SDK1: variants seen among roughly 807,000 people sequenced by gnomAD.
The protein encoded by SDK1 is protein sidekick-1.
Under a neutral mutation model 245.5 loss-of-function variants are expected in SDK1, and 157 were observed. The observed-to-expected ratio is 0.64, with a 90% CI of 0.56 to 0.73. The LOEUF (loss-of-function observed/expected upper bound fraction) is 0.73, where lower values mean the gene tolerates loss of function less well. SDK1 is among the 30% of genes least tolerant of loss of function. The probability of loss-of-function intolerance (pLI) is 0.00; values close to 1 mark genes in which losing one functional copy is unlikely to be tolerated. For synonymous variants in SDK1, 1,647 were observed against 1,278.5 expected (o/e 1.29, Z -6.15); for missense variants, 3,583 against 3,002.3 (o/e 1.19, Z -4.52).
chr7:4,097,913 A>G lies in SDK1; in HGVS notation c.3325-12750A>G, dbSNP rs144772245. On this transcript the variant is annotated intron_variant, in intron 22 of 44. Coordinates refer to ENST00000404826, the MANE Select transcript of SDK1 (RefSeq NM_152744.4). ...CATTGGCCCTAATGACTCCTTCCAT[A>G]ATCCCACGGTCATCTGGTAAATTTG... 7.9e-3 allele frequency among the ~76,000 whole-genome samples: 1,198 copies of G among 152,274 alleles called. 21 individuals carry two copies. The highest frequency in any genetic ancestry group is 0.027 in the African/African-American group (1,104 of 41,550).
intron 11 of SDK1, among the ~76,000 whole-genome samples, chr7:3,970,926 A>G (rs1422525193): frequency 1.3e-5 from 2 of 152,212 alleles, no homozygotes; most frequent in Non-Finnish European, 1.5e-5. Context: ...CCCATCGCAC[A>G]GGCAAGCTGG....
intron 1 of SDK1, among the ~76,000 whole-genome samples, chr7:3,384,000 C>T (rs994806119): frequency 3.3e-5 from 5 of 151,932 alleles, no homozygotes; most frequent in South Asian, 2.1e-4. Flanking sequence ...ATTTATTATC[C>T]TTATAGAACT....
rs10242269 is a variant in SDK1, at chr7:4,023,066, G to A, written c.2602+5714G>A. ...TGGGATTACAGGTGTGAGCCAACAC[G>A]CCCGGCCCTTGTTTTTCTTTTCAAT... is the stretch of plus-strand genomic sequence containing the variant. On this transcript the variant is annotated intron_variant, in intron 17 of 44. Transcript: ENST00000404826. Among the ~76,000 whole-genome samples, 1,074 of 152,166 alleles carry A rather than the reference G, an allele frequency of 7.1e-3. 15 individuals are homozygous for A. The highest frequency in any genetic ancestry group is 0.024 in the African/African-American group (1,016 of 41,520).
At chr7:3,922,643 T>G (rs534943794) in intron 5 of SDK1, among the ~76,000 whole-genome samples, 47 of 152,364 alleles carry the variant, frequency 3.1e-4, no homozygotes, top group African/African-American at 1.1e-3. Flanking sequence ...TTTTCATTTC[T>G]TTTCTTTAGA....
chr7:3,468,204 A>G (rs540446446), intron 1 of SDK1, among the ~76,000 whole-genome samples: 6 of 152,194 alleles, frequency 3.9e-5, no homozygotes, highest in Non-Finnish European at 7.4e-5. Context: ...AGATAACTGT[A>G]TAATATTTTC....
At chr7:3,438,933 A>C (rs1046123073) in intron 1 of SDK1, among the ~76,000 whole-genome samples, 1 of 149,804 alleles carries the variant, frequency 6.7e-6, no homozygotes, top group East Asian at 1.9e-4. Flanking sequence ...GCTCACTGCA[A>C]CCTCTGCCTC....
chr7:3,561,620 G>C (rs186990978), intron 1 of SDK1, among the ~76,000 whole-genome samples: 2 of 152,268 alleles, frequency 1.3e-5, no homozygotes, highest in Admixed American at 6.5e-5. Context: ...AATAATTTCT[G>C]AATCAAGACT....
chr7:3,461,141 A>G (rs1421782573), intron 1 of SDK1, among the ~76,000 whole-genome samples: 2 of 152,184 alleles, frequency 1.3e-5, no homozygotes, highest in Non-Finnish European at 2.9e-5. Context: ...AGAGCAATCT[A>G]GCAATCCCTT....
Position 3,331,422 on chromosome 7 carries a change from G to A in SDK1, c.298+29538G>A, listed in dbSNP as rs138106825. 1.8e-4 allele frequency among the ~76,000 whole-genome samples: 28 copies of A among 152,252 alleles called. No individual in the cohort carries two copies. The East Asian group carries it at 4.0e-3, about 22-fold the overall frequency. On this transcript the variant is annotated intron_variant, in intron 1 of 44. Coordinates refer to ENST00000404826, the MANE Select transcript of SDK1 (RefSeq NM_152744.4). ...TAATGTTGAGCATCTTTTCATGTGC[G>A]TATTGTCCATTTGCATATCTTCTTT...
chr7:4,045,365 C>G lies in SDK1; in HGVS notation c.2603-3983C>G, dbSNP rs142976338. On this transcript the variant is annotated intron_variant, in intron 17 of 44. Transcript: ENST00000404826. The stretch of plus-strand genomic sequence containing the variant: ...TCTAGTGATCCCCCCATCTCAGCCT[C>G]CCAAGTAGCTGGGACTATAGGTGTG... Among the ~76,000 whole-genome samples, 887 of 152,222 alleles carry G rather than the reference C, an allele frequency of 5.8e-3. 3 individuals carry two copies. The highest frequency in any genetic ancestry group is 0.021 in the African/African-American group (870 of 41,532).
intron 19 of SDK1, among the ~76,000 whole-genome samples, chr7:4,060,612 G>C (rs1268747768): frequency 3.3e-5 from 5 of 152,004 alleles, no homozygotes; most frequent in Non-Finnish European, 7.4e-5. Context: ...TCTGATGGTA[G>C]TTTCTTTTGC....
At chr7:4,143,021 G>A (rs1284758960) in intron 28 of SDK1, among the ~76,000 whole-genome samples, 1 of 152,120 alleles carries the variant, frequency 6.6e-6, no homozygotes, top group Non-Finnish European at 1.5e-5. Flanking sequence ...ATTTTAAGGG[G>A]GAACTCCGAC....
At chr7:3,360,903 G>C (rs1780933814) in intron 1 of SDK1, among the ~76,000 whole-genome samples, 1 of 152,004 alleles carries the variant, frequency 6.6e-6, no homozygotes, top group Admixed American at 6.6e-5. Context: ...TGATGCATTT[G>C]ACATCATATG....
At chr7:3,934,523 T>C (rs7797684) in intron 5 of SDK1, among the ~76,000 whole-genome samples, 4,884 of 152,322 alleles carry the variant, frequency 0.032, 278 homozygotes, top group African/African-American at 0.11. Context: ...ATTCTTGACA[T>C]GAGGAAGTTG....
intron 1 of SDK1, among the ~76,000 whole-genome samples, chr7:3,458,844 C>G (rs1562498424): frequency 6.6e-6 from 1 of 152,098 alleles, no homozygotes; most frequent in Admixed American, 6.5e-5. Flanking sequence ...TACCTATGCA[C>G]CATTATCACC....
intron 36 of SDK1, 34 bp from the exon 37 acceptor site, chr7:4,208,065 A>G (rs757518888): frequency 1.9e-6 from 3 of 1,561,082 alleles, no homozygotes; most frequent in African/African-American, 1.4e-5. Flanking sequence ...AGGCTTCCCC[A>G]GGACCCACCC....
At chr7:4,036,144 T>C (rs11975109) in intron 17 of SDK1, among the ~76,000 whole-genome samples, 47,732 of 152,154 alleles carry the variant, frequency 0.31, 11,735 homozygotes, top group African/African-American at 0.69. Flanking sequence ...ACAAGAAAGC[T>C]TCTGCCAAAG....
At chr7:3,488,262 T>A (rs962931752) in intron 1 of SDK1, among the ~76,000 whole-genome samples, 1 of 152,158 alleles carries the variant, frequency 6.6e-6, no homozygotes, top group Non-Finnish European at 1.5e-5. Flanking sequence ...AATCTGGGTT[T>A]ATTTGCTTTT....
At chr7:3,667,544 CATAAA>C (rs1783572266) in intron 4 of SDK1, among the ~76,000 whole-genome samples, 1 of 152,162 alleles carries the variant, frequency 6.6e-6, no homozygotes, top group Non-Finnish European at 1.5e-5. Flanking sequence ...CTACCACAAT[CATAAA>C]ATATAAAATA....
Sources: gnomAD v4.1 joint callset for allele counts (sites outside exome capture counted in the v4.1 genomes callset) on GRCh38, gnomAD v4.1.1 for gene constraint, MANE v1.5 for transcripts, NCBI Gene and HGNC (gene_info 2026-07-23, HGNC 2026-07-21) for gene names.